Variants in FHIT observed in about 807,000 individuals in gnomAD.
FHIT encodes fragile histidine triad diadenosine triphosphatase.
Under a neutral mutation model 17.9 loss-of-function variants are expected in FHIT, and 19 were observed. The observed-to-expected ratio is 1.06, with a 90% confidence interval of 0.74 to 1.56. The LOEUF is 1.56. Among genes scored for constraint, FHIT ranks in the 40% most tolerant of loss-of-function variants. The probability of loss-of-function intolerance (pLI) is 0.00; values close to 1 mark genes in which losing one functional copy is unlikely to be tolerated. For synonymous variants in FHIT, 81 were observed against 69.7 expected (o/e 1.16, Z -0.81); for missense variants, 248 against 189.2 (o/e 1.31, Z -1.82).
intron 5 of FHIT, among the ~76,000 whole-genome samples, chr3:60,418,359 T>A (rs2107252594): frequency 7.3e-6 from 1 of 137,634 alleles, no homozygotes; most frequent in South Asian, 2.3e-4. Flanking sequence ...AACCTATATA[T>A]ATGTATCTGA....
intron 7 of FHIT, among the ~76,000 whole-genome samples, chr3:60,000,002 G>A (rs1429693446): frequency 6.6e-6 from 1 of 152,136 alleles, no homozygotes; most frequent in Non-Finnish European, 1.5e-5. Flanking sequence ...GCTTCTTTCT[G>A]TCTCTGCCAT....
At chr3:60,264,420 A>G (rs1246313929) in intron 5 of FHIT, among the ~76,000 whole-genome samples, 1 of 152,016 alleles carries the variant, frequency 6.6e-6, no homozygotes, top group Non-Finnish European at 1.5e-5. Context: ...TAAAGCTTAA[A>G]AAGAAAAAAT....
At chr3:60,979,727 T>C (rs1710411331) in intron 3 of FHIT, among the ~76,000 whole-genome samples, 1 of 152,172 alleles carries the variant, frequency 6.6e-6, no homozygotes, top group Admixed American at 6.5e-5. Flanking sequence ...TCATTGCTCA[T>C]TCAGGGATTG....
chr3:60,458,131 C>T (rs1468740696), intron 5 of FHIT, among the ~76,000 whole-genome samples: 1 of 152,120 alleles, frequency 6.6e-6, no homozygotes, highest in African/African-American at 2.4e-5. Context: ...GACACATGCA[C>T]ACGTATGTTT....
intron 5 of FHIT, among the ~76,000 whole-genome samples, chr3:60,330,078 T>G (rs2106847688): frequency 6.6e-6 from 1 of 152,292 alleles, no homozygotes; most frequent in South Asian, 2.1e-4. Flanking sequence ...ACCAATACAT[T>G]TAGCAAATGG....
At chr3:60,859,064 T>C (rs1703505570) in intron 3 of FHIT, among the ~76,000 whole-genome samples, 1 of 152,222 alleles carries the variant, frequency 6.6e-6, no homozygotes, top group Non-Finnish European at 1.5e-5. Flanking sequence ...TTAGCGGCTC[T>C]GGAAGTCTAG....
At chr3:60,021,396 C>G (rs140078254) in intron 5 of FHIT, among the ~76,000 whole-genome samples, 1 of 152,164 alleles carries the variant, frequency 6.6e-6, no homozygotes, top group Non-Finnish European at 1.5e-5. Flanking sequence ...ACAGGGGAGT[C>G]CGCAGCCCGA....
At chr3:61,033,209 A>G (rs1953915512) in intron 3 of FHIT, among the ~76,000 whole-genome samples, 1 of 152,210 alleles carries the variant, frequency 6.6e-6, no homozygotes, top group South Asian at 2.1e-4. Context: ...ACACAAAATT[A>G]ACCATCACTT....
intron 7 of FHIT, among the ~76,000 whole-genome samples, chr3:59,949,693 C>T (rs1043728960): frequency 3.9e-5 from 6 of 152,198 alleles, no homozygotes; most frequent in Admixed American, 2.0e-4. Flanking sequence ...TTACGCCAAC[C>T]TGGGGCTCAC....
At chr3:60,296,948 G>T (rs1219545924) in intron 5 of FHIT, among the ~76,000 whole-genome samples, 1 of 149,906 alleles carries the variant, frequency 6.7e-6, no homozygotes. Context: ...AGACCAGTGG[G>T]CATATTTGTG....
At chr3:61,135,409 T>C (rs2106971979) in intron 2 of FHIT, among the ~76,000 whole-genome samples, 1 of 152,346 alleles carries the variant, frequency 6.6e-6, no homozygotes, top group African/African-American at 2.4e-5. Flanking sequence ...TTTATAGTCA[T>C]CATCAAATAA....
intron 2 of FHIT, among the ~76,000 whole-genome samples, chr3:61,054,146 T>A (rs17064357): frequency 0.13 from 19,384 of 152,110 alleles, 1,547 homozygotes; most frequent in African/African-American, 0.2. Context: ...GCTCACCTTG[T>A]CAAGGCCAGA....
intron 5 of FHIT, among the ~76,000 whole-genome samples, chr3:60,397,908 T>C (rs1701513943): frequency 6.6e-6 from 1 of 152,182 alleles, no homozygotes; most frequent in Admixed American, 6.5e-5. Flanking sequence ...TTAACCTTTT[T>C]TGCATACTCA....
chr3:60,251,718 T>C (rs1705721642), intron 5 of FHIT, among the ~76,000 whole-genome samples: 1 of 152,160 alleles, frequency 6.6e-6, no homozygotes, highest in Non-Finnish European at 1.5e-5. Context: ...TTGTCCAGCG[T>C]GTGGGCCACT....
chr3:60,036,003 G>A (rs1418929136), intron 5 of FHIT, among the ~76,000 whole-genome samples: 1 of 152,204 alleles, frequency 6.6e-6, no homozygotes, highest in South Asian at 2.1e-4. Flanking sequence ...CAGGCTAAGA[G>A]AGCAAAAACC....
chr3:60,981,606 C>A (rs1036893045), intron 3 of FHIT, among the ~76,000 whole-genome samples: 2 of 152,072 alleles, frequency 1.3e-5, no homozygotes, highest in African/African-American at 4.8e-5. Context: ...CCACGGTGCC[C>A]AGCCACTTCT....
chr3:60,967,499 T>C (rs1709800624), intron 3 of FHIT, among the ~76,000 whole-genome samples: 1 of 152,140 alleles, frequency 6.6e-6, no homozygotes, highest in African/African-American at 2.4e-5. Context: ...GAAAATAATA[T>C]AGAAAAGTAT....
chr3:60,605,468 T>C (rs2038579821), intron 4 of FHIT, among the ~76,000 whole-genome samples: 1 of 152,164 alleles, frequency 6.6e-6, no homozygotes, highest in Non-Finnish European at 1.5e-5. Flanking sequence ...GATTAGGACA[T>C]ACTTGAGAAG....
intron 5 of FHIT, chr3:60,080,967 T>C (rs570100465): frequency 3.3e-5 from 5 of 152,262 alleles, no homozygotes; most frequent in Admixed American, 6.5e-5. Flanking sequence ...TTGGCAACCA[T>C]GTACCTCTAG....
Sources: gnomAD v4.1 joint callset for allele counts (sites outside exome capture counted in the v4.1 genomes callset) on GRCh38, gnomAD v4.1.1 for gene constraint, MANE v1.5 for transcripts, NCBI Gene and HGNC (gene_info 2026-07-23, HGNC 2026-07-21) for gene names.